ERBB4: variants seen among roughly 807,000 people sequenced by gnomAD.
The protein encoded by ERBB4 is erb-b2 receptor tyrosine kinase 4, also known as receptor tyrosine-protein kinase erbB-4.
ERBB4 carries 42 observed loss-of-function variants against 158.0 expected under a neutral mutation model. The observed-to-expected ratio is 0.27, with a 90% confidence interval of 0.21 to 0.34. ERBB4 has a LOEUF of 0.34. Among genes scored for constraint, ERBB4 ranks in the 10% least tolerant of loss-of-function variants. The pLI is 1.00. For synonymous variants in ERBB4, 583 were observed against 558.7 expected (o/e 1.04, Z -0.61); for missense variants, 1,333 against 1,624.1 (o/e 0.82, Z 3.08).
chr2:211,508,311 G>A (rs1181921920), intron 20 of ERBB4, among the ~76,000 whole-genome samples: 1 of 152,002 alleles, frequency 6.6e-6, no homozygotes, highest in East Asian at 1.9e-4. Flanking sequence ...CAAAAAGTGG[G>A]CGAAGGATAT....
At chr2:211,557,800 A>C (rs1172112210) in intron 20 of ERBB4, among the ~76,000 whole-genome samples, 1 of 152,212 alleles carries the variant, frequency 6.6e-6, no homozygotes, top group Non-Finnish European at 1.5e-5. Flanking sequence ...TAACTCTATT[A>C]TAAAGACACA....
At chr2:212,041,528 T>C (rs2125373417) in intron 2 of ERBB4, among the ~76,000 whole-genome samples, 1 of 151,644 alleles carries the variant, frequency 6.6e-6, no homozygotes, top group East Asian at 1.9e-4. Context: ...TTTAATGACC[T>C]GAGGAATATA....
At chr2:211,702,229 C>T (rs1020929727) in intron 11 of ERBB4, 63 bp from the exon 12 acceptor site, 6 of 1,191,332 alleles carry the variant, frequency 5.0e-6, no homozygotes, top group Admixed American at 1.7e-5. Flanking sequence ...ATAAGGCTGT[C>T]ACATTTTATT....
intron 20 of ERBB4, 110 bp downstream of exon 20, chr2:211,561,793 C>G (rs1446341532): frequency 5.0e-6 from 5 of 997,060 alleles, no homozygotes; most frequent in Non-Finnish European, 7.9e-6. Flanking sequence ...AGCAAATATA[C>G]TTTATTTTAT....
chr2:212,406,166 A>C (rs1051369788), intron 1 of ERBB4, among the ~76,000 whole-genome samples: 1 of 152,078 alleles, frequency 6.6e-6, no homozygotes, highest in Non-Finnish European at 1.5e-5. Flanking sequence ...TATATTCAGC[A>C]CTACTACCAT....
intron 27 of ERBB4, among the ~76,000 whole-genome samples, chr2:211,385,723 C>T (rs2062671065): frequency 6.6e-6 from 1 of 152,142 alleles, no homozygotes. Context: ...TTGCTTTTCT[C>T]TTCACCTTAC....
chr2:212,450,995 G>A (rs921720842), intron 1 of ERBB4, among the ~76,000 whole-genome samples: 1 of 152,046 alleles, frequency 6.6e-6, no homozygotes, highest in Non-Finnish European at 1.5e-5. Context: ...GCCAGGTGTA[G>A]TGTCACATCC....
intron 25 of ERBB4, among the ~76,000 whole-genome samples, chr2:211,397,890 T>G (rs1452109891): frequency 6.6e-6 from 1 of 152,208 alleles, no homozygotes; most frequent in East Asian, 1.9e-4. Flanking sequence ...GGCATCTATT[T>G]AGTCTGATGA....
chr2:212,235,428 C>A (rs1259557593), intron 1 of ERBB4, among the ~76,000 whole-genome samples: 1 of 152,070 alleles, frequency 6.6e-6, no homozygotes, highest in Admixed American at 6.6e-5. Flanking sequence ...CAGGTTTTTG[C>A]ACAGGATCCT....
chr2:212,218,153 T>C (rs1466568525), intron 1 of ERBB4, among the ~76,000 whole-genome samples: 3 of 151,330 alleles, frequency 2.0e-5, no homozygotes, highest in South Asian at 2.1e-4. Flanking sequence ...TTTAGAAATA[T>C]TGGCATAAAA....
chr2:211,584,915 A>C (rs2068217885), intron 19 of ERBB4, among the ~76,000 whole-genome samples: 1 of 151,988 alleles, frequency 6.6e-6, no homozygotes, highest in African/African-American at 2.4e-5. Flanking sequence ...AACATGTTTT[A>C]TTTATTTGTG....
chr2:212,113,307 GGCTCAC>G (rs2079471540), intron 2 of ERBB4, among the ~76,000 whole-genome samples: 1 of 152,104 alleles, frequency 6.6e-6, no homozygotes, highest in Admixed American at 6.5e-5. Context: ...CGGGTGCGGT[GGCTCAC>G]GCCTGTAATC....
At chr2:211,814,675 G>A (rs941378894) in intron 3 of ERBB4, among the ~76,000 whole-genome samples, 1 of 151,998 alleles carries the variant, frequency 6.6e-6, no homozygotes, top group African/African-American at 2.4e-5. Context: ...AGGGTCCTTT[G>A]GTCCTTCTTG....
intron 12 of ERBB4, among the ~76,000 whole-genome samples, chr2:211,690,012 A>C (rs527359855): frequency 6.1e-4 from 91 of 149,084 alleles, no homozygotes; most frequent in African/African-American, 2.1e-3. Flanking sequence ...TATCTATCTA[A>C]AATATATATA....
intron 6 of ERBB4, among the ~76,000 whole-genome samples, chr2:211,723,853 A>C (rs1271944142): frequency 1.3e-5 from 2 of 152,226 alleles, no homozygotes; most frequent in Non-Finnish European, 2.9e-5. Context: ...CCAAGGCCTT[A>C]GTCTGGCATT....
intron 2 of ERBB4, among the ~76,000 whole-genome samples, chr2:211,995,470 A>G (rs1289724759): frequency 1.3e-5 from 2 of 152,050 alleles, no homozygotes; most frequent in East Asian, 1.9e-4. Context: ...GGTGGTGTCT[A>G]TGCTGACCAG....
chr2:212,019,596 C>G (rs776036498), intron 2 of ERBB4, among the ~76,000 whole-genome samples: 1 of 151,740 alleles, frequency 6.6e-6, no homozygotes, highest in South Asian at 2.1e-4. Context: ...AACCCCATCT[C>G]TACTAAAATA....
intron 3 of ERBB4, among the ~76,000 whole-genome samples, chr2:211,856,360 T>C (rs946367962): frequency 1.1e-5 from 1 of 89,564 alleles, no homozygotes; most frequent in Non-Finnish European, 2.4e-5. Flanking sequence ...GCTAGTCTTG[T>C]AATTTCTATT....
intron 1 of ERBB4, among the ~76,000 whole-genome samples, chr2:212,332,277 G>A (rs139727421): frequency 0.013 from 1,928 of 152,088 alleles, 37 homozygotes; most frequent in African/African-American, 0.044. Flanking sequence ...CTCTCCTGAC[G>A]CCGCCATGGA....
Sources: gnomAD v4.1 joint callset for allele counts (sites outside exome capture counted in the v4.1 genomes callset) on GRCh38, gnomAD v4.1.1 for gene constraint, MANE v1.5 for transcripts, NCBI Gene and HGNC (gene_info 2026-07-23, HGNC 2026-07-21) for gene names.